The following ABI3BP variants were observed in gnomAD, a reference collection of about 807,000 sequenced individuals.
The protein encoded by ABI3BP is target of Nesh-SH3.
Under a neutral mutation model 268.6 loss-of-function variants are expected in ABI3BP, and 216 were observed. The ratio of observed to expected loss-of-function variants is 0.80; its 90% confidence interval spans 0.72 to 0.90. The LOEUF (loss-of-function observed/expected upper bound fraction) is 0.90, where lower values mean the gene tolerates loss of function less well. Among genes scored for constraint, ABI3BP ranks in the 40% least tolerant of loss-of-function variants. ABI3BP has a pLI of 0.00. For missense variants in ABI3BP, 2,090 were observed against 2,182.4 expected, an observed-to-expected ratio of 0.96 and a Z score of 0.84; for synonymous variants, 730 against 730.0, an observed-to-expected ratio of 1.00 and a Z score of 0.00.
chr3:100,758,503 C>T (rs1169601000), intron 63 of ABI3BP, among the ~76,000 whole-genome samples: 2 of 152,100 alleles, frequency 1.3e-5, no homozygotes, highest in South Asian at 2.1e-4. Context: ...AGGCAGAACT[C>T]TTCTATGGCC....
intron 52 of ABI3BP, 44 bp downstream of exon 52, chr3:100,796,365 G>A: frequency 7.2e-7 from 1 of 1,392,438 alleles, no homozygotes; most frequent in East Asian, 2.6e-5. Flanking sequence ...TTTTTTTTTT[G>A]AAAAATATAC....
intron 1 of ABI3BP, among the ~76,000 whole-genome samples, chr3:100,964,334 T>C (rs900418599): frequency 6.6e-6 from 1 of 152,224 alleles, no homozygotes; most frequent in Non-Finnish European, 1.5e-5. Context: ...GTAAATGTCA[T>C]ACCTGATCAA....
At chr3:100,754,787 C>T in intron 63 of ABI3BP, 96 bp from the exon 64 acceptor site, 2 of 982,258 alleles carry the variant, frequency 2.0e-6, no homozygotes, top group South Asian at 2.9e-5. Flanking sequence ...TACTGACATC[C>T]CTTTGAAATT....
In ABI3BP at chr3:100,774,580, G is replaced by A. The variant is rs537637826; in HGVS notation, c.4531+25C>T. ...TACCAAAAATGGCCTTTTCAAATGT[G>A]AGATTCACAGCCAGTCATACATACC... On this transcript the variant is annotated intron_variant, in intron 61 of 67. Coordinates refer to ENST00000471714, the MANE Select transcript of ABI3BP (RefSeq NM_001375547.2). The A allele has an allele frequency of 3.5e-5, 54 of 1,538,388 alleles. No individual in the cohort carries two copies. The South Asian group carries it at 6.3e-4, about 18-fold the overall frequency.
chr3:100,812,808 A>G (rs934250699), intron 45 of ABI3BP, among the ~76,000 whole-genome samples: 1 of 152,182 alleles, frequency 6.6e-6, no homozygotes, highest in African/African-American at 2.4e-5. Flanking sequence ...CGGAAGAAAA[A>G]TATAGGATCC....
At chr3:100,845,470 T>C (rs544473140) in intron 20 of ABI3BP, among the ~76,000 whole-genome samples, 1 of 152,320 alleles carries the variant, frequency 6.6e-6, no homozygotes, top group South Asian at 2.1e-4. Context: ...CTTTAAGCAG[T>C]TACATTTTTC....
chr3:100,880,517 A>G (rs1171738821), intron 6 of ABI3BP, among the ~76,000 whole-genome samples: 1 of 152,124 alleles, frequency 6.6e-6, no homozygotes, highest in Admixed American at 6.5e-5. Context: ...CTATGCCTTG[A>G]GCAGAAGTCT....
At chr3:100,801,027 G>T (rs759756760) in intron 51 of ABI3BP, among the ~76,000 whole-genome samples, 1 of 152,138 alleles carries the variant, frequency 6.6e-6, no homozygotes, top group Non-Finnish European at 1.5e-5. Context: ...TTGGGTGGTA[G>T]AGATTATATC....
At chr3:100,799,974 T>C (rs546086064) in intron 51 of ABI3BP, among the ~76,000 whole-genome samples, 66 of 152,238 alleles carry the variant, frequency 4.3e-4, no homozygotes, top group African/African-American at 1.2e-3. Flanking sequence ...TTTATTCCTC[T>C]CTCTATTCCC....
At position 100,837,118 on chromosome 3, in the gene ABI3BP, C is replaced by T. The variant is rs1198077041; in HGVS notation, c.2131+6G>A. 1 of 1,531,968 alleles carries T rather than the reference C, an allele frequency of 6.5e-7. No homozygotes were observed. The highest frequency in any genetic ancestry group is 1.2e-5 in the South Asian group (1 of 83,226). The allele number at this position is 1,531,968 out of a possible 1,614,324, so 94.9% of individuals were successfully genotyped here. A position where few individuals can be genotyped will look rare whatever the true frequency, so the allele number is the denominator to read the frequency against. On this transcript the variant is annotated splice_donor_region_variant and intron_variant, in intron 27 of 67. Coordinates refer to ENST00000471714, the MANE Select transcript of ABI3BP (RefSeq NM_001375547.2). ...CATTGGCCAAGAAGGAAGAAAGCAT[C>T]ATTACCTATGGTCATTGAGGGAGCT...
At chr3:100,886,393 C>T in intron 4 of ABI3BP, 70 bp from the exon 5 acceptor site, 1 of 1,188,650 alleles carries the variant, frequency 8.4e-7, no homozygotes, top group African/African-American at 1.6e-5. Context: ...AAATTTCTTA[C>T]TTCATCACAG....
At position 100,850,116 on chromosome 3, in the gene ABI3BP, G is replaced by A. The variant is rs761557013; in HGVS notation, c.1430C>T (p.Pro477Leu). 1.2e-6 allele frequency: 2 copies of A among 1,605,928 alleles called. No individual in the cohort carries two copies. The highest frequency in any genetic ancestry group is 2.2e-5 in the South Asian group (2 of 89,184). ...TTGAGGAACAAATGGTGTTTCACTTGGAGCTGAAAGCACAAACACCCCAAC... is the reference window on the plus strand; with the variant it reads ...TTGAGGAACAAATGGTGTTTCACTTAGAGCTGAAAGCACAAACACCCCAAC... ...TLEQPRATLA[P>L]SETPFVPQKL... is the part of the protein sequence containing the mutation. The change falls in exon 17 of 68, where the codon CCA (proline) becomes CTA (leucine). Residue 477 changes from proline to leucine, a missense_variant. Coordinates refer to ENST00000471714, the MANE Select transcript of ABI3BP (RefSeq NM_001375547.2).
chr3:100,943,986 C>T (rs1324919520), intron 1 of ABI3BP, among the ~76,000 whole-genome samples: 1 of 152,080 alleles, frequency 6.6e-6, no homozygotes, highest in Non-Finnish European at 1.5e-5. Flanking sequence ...TAGACAATTA[C>T]TACACTTAAC....
At chr3:100,812,547 C>T in intron 45 of ABI3BP, 24 bp from the exon 46 acceptor site, 1 of 1,304,248 alleles carries the variant, frequency 7.7e-7, no homozygotes, top group Non-Finnish European at 9.8e-7. Flanking sequence ...GAAAATGGTA[C>T]AATTGATAAA....
intron 2 of ABI3BP, among the ~76,000 whole-genome samples, chr3:100,914,732 G>A (rs1038189271): frequency 3.3e-5 from 5 of 152,286 alleles, no homozygotes; most frequent in East Asian, 1.9e-4. Context: ...GTTAAAGGGG[G>A]GAAAGAGGGC....
intron 51 of ABI3BP, among the ~76,000 whole-genome samples, chr3:100,796,910 GA>G (rs1431739019): frequency 6.6e-6 from 1 of 152,016 alleles, no homozygotes; most frequent in African/African-American, 2.4e-5. Flanking sequence ...GAAACAATAA[GA>G]AATGGAAAAA....
At chr3:100,961,012 G>A (rs2078909044) in intron 1 of ABI3BP, among the ~76,000 whole-genome samples, 1 of 152,206 alleles carries the variant, frequency 6.6e-6, no homozygotes, top group Non-Finnish European at 1.5e-5. Context: ...TAATAAATTT[G>A]TGTTGTTTTA....
chr3:100,799,230 G>C (rs531026852), intron 51 of ABI3BP, among the ~76,000 whole-genome samples: 1 of 152,080 alleles, frequency 6.6e-6, no homozygotes, highest in East Asian at 1.9e-4. Flanking sequence ...TCACCTTTTA[G>C]ATGTATTTTC....
Position 100,834,702 on chromosome 3 carries a change from T to A in ABI3BP, c.2263A>T (p.Thr755Ser). 1 of 1,535,694 alleles carries A rather than the reference T, an allele frequency of 6.5e-7. No individual in the cohort carries two copies. Among genetic ancestry groups the A allele is most frequent in the Non-Finnish European group, 8.7e-7 (1 of 1,146,544 alleles). ...PKHKTTPRPE[T>S]LQTKLDFGPI... ...TATTTACCTAGTTTGGTCTGCAGTG[T>A]CTCTGGGCGTGGCGTGGTTTTATGT... Residue 755 changes from threonine (T) to serine (S), a missense_variant, in exon 29 of 68, where the codon ACA (threonine) becomes TCA (serine). Physicochemically the swap from Thr to Ser is moderately conservative, Grantham distance 58. Transcript: ENST00000471714.
Sources: gnomAD v4.1 joint callset for allele counts (sites outside exome capture counted in the v4.1 genomes callset) on GRCh38, gnomAD v4.1.1 for gene constraint, MANE v1.5 for transcripts, NCBI Gene and HGNC (gene_info 2026-07-23, HGNC 2026-07-21) for gene names.